Variants in TNS1 observed in about 807,000 individuals in gnomAD.
The protein encoded by TNS1 is tensin 1.
TNS1 carries 62 observed loss-of-function variants against 168.6 expected under a neutral mutation model. The ratio of observed to expected loss-of-function variants is 0.37; its 90% CI spans 0.30 to 0.45. The LOEUF is 0.45. TNS1 is among the 20% of genes least tolerant of loss of function. The probability of loss-of-function intolerance (pLI) is 1.00; values close to 1 mark genes in which losing one functional copy is unlikely to be tolerated. For synonymous variants in TNS1, 934 were observed against 933.2 expected (o/e 1.00, Z -0.02); for missense variants, 2,240 against 2,339.4 (o/e 0.96, Z 0.88).
At chr2:217,957,551 A>G (rs1320358628) in intron 3 of TNS1, among the ~76,000 whole-genome samples, 1 of 152,210 alleles carries the variant, frequency 6.6e-6, no homozygotes, top group Non-Finnish European at 1.5e-5. Context: ...ATATATGTCA[A>G]TATATGATTA....
At chr2:217,946,525 G>A (rs1957108949) in intron 3 of TNS1, among the ~76,000 whole-genome samples, 1 of 152,166 alleles carries the variant, frequency 6.6e-6, no homozygotes, top group Non-Finnish European at 1.5e-5. Context: ...ACAGCACTAG[G>A]CTGTACCAAA....
At chr2:218,024,558 A>T (rs776593378) in intron 1 of TNS1, among the ~76,000 whole-genome samples, 1 of 152,142 alleles carries the variant, frequency 6.6e-6, no homozygotes, top group African/African-American at 2.4e-5. Flanking sequence ...GCCTCAGCTC[A>T]GTGCCCAGAA....
intron 30 of TNS1, among the ~76,000 whole-genome samples, chr2:217,809,525 GTGCATGGATGGATGCA>G (rs1940322050): frequency 6.1e-5 from 1 of 16,286 alleles, no homozygotes; most frequent in Non-Finnish European, 1.2e-4. Context: ...GGATGGATAG[GTGCATGGATGGATGCA>G]TGGATGGATG....
rs1459840850 is a variant in TNS1 at position 218,002,921 on chromosome 2, C to T, written c.-49G>A. ...GCACGCCCAGGGCCTGTGAAGAGCC[C>T]CTGAAGCTAGAGTCCCCGCGGCGCT... On this transcript the variant is annotated 5_prime_UTR_variant, in exon 1 of 33. Transcript: ENST00000682258. 4.4e-6 allele frequency: 2 copies of T among 456,520 alleles called. No homozygotes were observed. Among genetic ancestry groups the T allele is most frequent in the Admixed American group, 2.4e-5 (1 of 42,550 alleles). The allele number at this position is 456,520 out of a possible 1,614,324, so 28.3% of individuals were successfully genotyped here.
At chr2:217,940,541 C>T (rs1208946300) in intron 3 of TNS1, among the ~76,000 whole-genome samples, 2 of 152,184 alleles carry the variant, frequency 1.3e-5, no homozygotes, top group African/African-American at 4.8e-5. Flanking sequence ...TCTTTCAAAC[C>T]CCAGGAAAGA....
rs538180633 is a variant in TNS1, at chr2:217,928,090, G to T, written c.187-7854C>A. Among the ~76,000 whole-genome samples the T allele has an allele frequency of 1.7e-3, 260 of 152,370 alleles. 1 individual carries two copies. The highest frequency in any genetic ancestry group is 5.5e-3 in the African/African-American group (227 of 41,592). On this transcript the variant is annotated intron_variant, in intron 3 of 32. Transcript: ENST00000682258. Reference sequence around the variant, plus strand: ...CTGGGAGGCCCAGGGGAGAGGGCCAGTTGTTAGCCTGCCAACCAGGAGGGA... The same window carrying T: ...CTGGGAGGCCCAGGGGAGAGGGCCATTTGTTAGCCTGCCAACCAGGAGGGA...
At chr2:217,907,356 C>G (rs1953836159) in intron 4 of TNS1, 105 bp from the exon 5 acceptor site, 2 of 682,416 alleles carry the variant, frequency 2.9e-6, no homozygotes, top group Admixed American at 4.1e-5. Flanking sequence ...CCCCCTGAGA[C>G]AGGGATGATG....
intron 18 of TNS1, chr2:217,849,834 G>A (rs1267139023): frequency 1.0e-6 from 1 of 985,318 alleles, no homozygotes; most frequent in African/African-American, 1.7e-5. Context: ...CAGGAGGGCA[G>A]TAGGGTGCAG....
intron 9 of TNS1, among the ~76,000 whole-genome samples, chr2:217,894,468 C>G (rs1952061859): frequency 6.6e-6 from 1 of 152,160 alleles, no homozygotes; most frequent in Non-Finnish European, 1.5e-5. Context: ...ACCAGGCTGG[C>G]CAACACGGCG....
At chr2:217,980,624 G>A (rs1314419310) in intron 2 of TNS1, among the ~76,000 whole-genome samples, 1 of 151,974 alleles carries the variant, frequency 6.6e-6, no homozygotes, top group African/African-American at 2.4e-5. Context: ...TGGTTTATGC[G>A]CACCCCAATT....
At chr2:217,977,956 C>T (rs2126045919) in intron 3 of TNS1, among the ~76,000 whole-genome samples, 1 of 152,272 alleles carries the variant, frequency 6.6e-6, no homozygotes, top group South Asian at 2.1e-4. Flanking sequence ...CCATTTCCAC[C>T]CCTAGGCAGA....
Position 218,001,157 on chromosome 2 carries a change from A to T in TNS1, c.33+1683T>A, listed in dbSNP as rs113830578. On this transcript the variant is annotated intron_variant, in intron 1 of 32. Transcript: ENST00000682258. ...GACAGAGTGAGACTCCATCTCAATTAAAAAAAAAATGAATAAATAAAAATA... is the reference window on the plus strand; with the variant it reads ...GACAGAGTGAGACTCCATCTCAATTTAAAAAAAAATGAATAAATAAAAATA... Among the ~76,000 whole-genome samples the T allele has an allele frequency of 4.2e-3, 604 of 143,044 alleles. 5 individuals are homozygous for T. The highest frequency in any genetic ancestry group is 0.014 in the African/African-American group (558 of 40,240). 93.8% of individuals were successfully genotyped at this position (143,044 alleles called of 152,430 possible).
At chr2:217,968,258 C>T (rs1476454420) in intron 3 of TNS1, among the ~76,000 whole-genome samples, 1 of 152,080 alleles carries the variant, frequency 6.6e-6, no homozygotes, top group Non-Finnish European at 1.5e-5. Context: ...CTGCTCTTGC[C>T]ACATCTAGTA....
intron 9 of TNS1, among the ~76,000 whole-genome samples, chr2:217,894,185 C>G (rs1952031693): frequency 6.6e-6 from 1 of 152,224 alleles, no homozygotes; most frequent in Non-Finnish European, 1.5e-5. Context: ...AAAGAGAACT[C>G]TGCAAGGACC....
At position 217,817,768 on chromosome 2, in the gene TNS1, C is replaced by T. The variant is rs1942126530; in HGVS notation, c.4564G>A (p.Gly1522Ser). Residue 1522 changes from glycine (G) to serine (S), a missense_variant, in exon 24 of 33, where the codon GGC becomes AGC. Around this residue, in one of 2 missense-constraint regions of TNS1, gnomAD observed 2,131 missense variants for 2,171.2 expected, o/e 0.98. Coordinates refer to ENST00000682258, the MANE Select transcript of TNS1 (RefSeq NM_001387777.1). ...CTGCCCCCACTGGGACTGGACATGC[C>T]GCTGGCGACAGGCGAAGACACCTTC... is the stretch of plus-strand genomic sequence containing the variant. ...NGKVSSPVAS[G>S]MSSPSGGSTV... The T allele has an allele frequency of 3.7e-6, 6 of 1,613,498 alleles. No homozygotes were observed. The highest frequency in any genetic ancestry group is 1.1e-5 in the South Asian group (1 of 91,068).
Position 217,968,914 on chromosome 2 carries a change from C to T in TNS1, c.186+9851G>A, listed in dbSNP as rs13419295. 6.4e-3 allele frequency among the ~76,000 whole-genome samples: 973 copies of T among 152,180 alleles called. 9 individuals carry two copies. The highest frequency in any genetic ancestry group is 0.023 in the African/African-American group (935 of 41,496). On this transcript the variant is annotated intron_variant, in intron 3 of 32. Coordinates refer to ENST00000682258, the MANE Select transcript of TNS1 (RefSeq NM_001387777.1). Reference sequence around the variant, plus strand: ...TTCACCATGTTGGTCAGGCTGGTCTCGAACTCCTTACCCACCTCAAGTGAT... The same window carrying T: ...TTCACCATGTTGGTCAGGCTGGTCTTGAACTCCTTACCCACCTCAAGTGAT...
At chr2:218,007,129 C>T (rs1012240350), upstream of TNS1, among the ~76,000 whole-genome samples, 4 of 152,152 alleles carry the variant, frequency 2.6e-5, no homozygotes, top group African/African-American at 4.8e-5. Flanking sequence ...GCAGACCTGG[C>T]AATGGGGTTC....
rs1937981671 is a variant in TNS1 at position 217,804,287 on chromosome 2, TC to T, written c.*171del. 7 of 704,114 alleles carry T rather than the reference TC, an allele frequency of 9.9e-6. No individual in the cohort carries two copies. Among genetic ancestry groups the T allele is most frequent in the East Asian group, 2.8e-5 (1 of 36,126 alleles). The allele number at this position is 704,114 out of a possible 1,614,324, so 43.6% of individuals were successfully genotyped here. On this transcript the variant is annotated 3_prime_UTR_variant, in exon 33 of 33. Transcript: ENST00000682258. ...CTCTCTCTCTCTCTCTCTCTCTCTC[TC>T]TTTTCCCCCTCCCCTCTGCAATTCA...
chr2:218,010,869 T>A (rs1393378970), upstream of TNS1, among the ~76,000 whole-genome samples: 2 of 152,202 alleles, frequency 1.3e-5, no homozygotes, highest in Non-Finnish European at 2.9e-5. Flanking sequence ...CACATCCCTG[T>A]TCCAGGCGTG....
Sources: gnomAD v4.1 joint callset for allele counts (sites outside exome capture counted in the v4.1 genomes callset) on GRCh38, gnomAD v4.1.1 for gene constraint, gnomAD v4.1.1 regional missense constraint, MANE v1.5 for transcripts, NCBI Gene and HGNC (gene_info 2026-07-23, HGNC 2026-07-21) for gene names.